TANC2: variants seen among roughly 807,000 people sequenced by gnomAD.
The protein encoded by TANC2 is protein TANC2.
TANC2 carries 26 observed loss-of-function variants against 210.5 expected under a neutral mutation model. The ratio of observed to expected loss-of-function variants is 0.12; its 90% confidence interval spans 0.09 to 0.17. The LOEUF (loss-of-function observed/expected upper bound fraction) is 0.17, where lower values mean the gene tolerates loss of function less well. TANC2 is among the 10% of genes least tolerant of loss of function. The probability of loss-of-function intolerance (pLI) is 1.00; values close to 1 mark genes in which losing one functional copy is unlikely to be tolerated. For missense variants in TANC2, 2,129 were observed against 2,608.9 expected, an observed-to-expected ratio of 0.82 and a Z score of 4.01; for synonymous variants, 931 against 967.1, an observed-to-expected ratio of 0.96 and a Z score of 0.69.
intron 8 of TANC2, among the ~76,000 whole-genome samples, chr17:63,241,899 A>G (rs1009365527): frequency 6.6e-6 from 1 of 152,178 alleles, no homozygotes; most frequent in Non-Finnish European, 1.5e-5. Context: ...ACGGATTTGA[A>G]AGAGACAAAA....
intron 2 of TANC2, among the ~76,000 whole-genome samples, chr17:63,050,192 G>A (rs977844427): frequency 6.6e-6 from 1 of 151,764 alleles, no homozygotes; most frequent in Non-Finnish European, 1.5e-5. Flanking sequence ...TCTTAAAGGG[G>A]CCTTAAGCAT....
At chr17:63,146,004 T>C (rs2039451074) in intron 4 of TANC2, among the ~76,000 whole-genome samples, 1 of 152,154 alleles carries the variant, frequency 6.6e-6, no homozygotes, top group Non-Finnish European at 1.5e-5. Context: ...TTGGGTGGTG[T>C]ACCATCTTAA....
At chr17:63,392,280 T>G (rs570892405) in intron 17 of TANC2, among the ~76,000 whole-genome samples, 98 of 152,330 alleles carry the variant, frequency 6.4e-4, no homozygotes, top group Middle Eastern at 6.8e-3. Flanking sequence ...TTGTAACTGC[T>G]TCCTTGGCAG....
intron 9 of TANC2, among the ~76,000 whole-genome samples, chr17:63,295,705 C>A (rs2044515207): frequency 6.6e-6 from 1 of 152,154 alleles, no homozygotes; most frequent in South Asian, 2.1e-4. Context: ...ATGTAATAAT[C>A]AAATCCTTTA....
chr17:63,201,161 T>C (rs1845486689), intron 7 of TANC2, among the ~76,000 whole-genome samples: 2 of 152,040 alleles, frequency 1.3e-5, no homozygotes, highest in African/African-American at 2.4e-5. Context: ...CCACTCCTTA[T>C]CAGGATATTC....
chr17:63,357,015 A>C (rs2046801507), intron 14 of TANC2, among the ~76,000 whole-genome samples: 1 of 152,206 alleles, frequency 6.6e-6, no homozygotes, highest in Admixed American at 6.5e-5. Flanking sequence ...GATTTTAAAA[A>C]GAAACAATAA....
chr17:63,301,009 G>C (rs1338637955), intron 9 of TANC2, among the ~76,000 whole-genome samples: 2 of 152,156 alleles, frequency 1.3e-5, no homozygotes, highest in Non-Finnish European at 2.9e-5. Context: ...TTTTATCAAA[G>C]ACCTTTTCTT....
In TANC2 at chr17:63,209,596, T is replaced by G. The variant is rs143797348; in HGVS notation, c.769+8639T>G. On this transcript the variant is annotated intron_variant, in intron 7 of 27. Transcript: ENST00000689528. ...TTACAGGCACGCACCACCATGCCTG[T>G]CTAATTTTTTGTTTTTTTAGTAGAG... 8.6e-3 allele frequency among the ~76,000 whole-genome samples: 1,298 copies of G among 151,784 alleles called. 16 individuals carry two copies. Among genetic ancestry groups the G allele is most frequent in the African/African-American group, 0.029 (1,189 of 41,428 alleles).
chr17:63,266,833 T>C (rs1567866529), intron 8 of TANC2, among the ~76,000 whole-genome samples: 1 of 152,092 alleles, frequency 6.6e-6, no homozygotes, highest in Non-Finnish European at 1.5e-5. Context: ...GCTAATATTT[T>C]CTTCCTTTTT....
chr17:63,209,988 G>A (rs1400795406), intron 7 of TANC2, among the ~76,000 whole-genome samples: 2 of 152,112 alleles, frequency 1.3e-5, no homozygotes, highest in Non-Finnish European at 2.9e-5. Context: ...CTAGAACCAC[G>A]TGTAGTTATG....
chr17:63,049,449 A>G (rs927577385), intron 2 of TANC2, among the ~76,000 whole-genome samples: 1 of 152,150 alleles, frequency 6.6e-6, no homozygotes, highest in African/African-American at 2.4e-5. Context: ...CCCAAAGGAG[A>G]TGCAGGACAA....
intron 3 of TANC2, among the ~76,000 whole-genome samples, chr17:63,097,622 G>T (rs1390397932): frequency 6.6e-6 from 1 of 151,078 alleles, no homozygotes; most frequent in Non-Finnish European, 1.5e-5. Context: ...TATAAAATTT[G>T]ATTTGGGCCA....
intron 8 of TANC2, among the ~76,000 whole-genome samples, chr17:63,255,875 G>A (rs916094984): frequency 2.7e-5 from 4 of 147,242 alleles, no homozygotes; most frequent in Non-Finnish European, 4.5e-5. Context: ...TCTTTAAGAA[G>A]CATCATTAAG....
At chr17:63,215,972 C>A (rs2042016030) in intron 7 of TANC2, among the ~76,000 whole-genome samples, 1 of 151,976 alleles carries the variant, frequency 6.6e-6, no homozygotes, top group Non-Finnish European at 1.5e-5. Flanking sequence ...AGGATGGTCT[C>A]AATCTCCTGA....
At position 63,106,501 on chromosome 17, in the gene TANC2, T is replaced by C. The variant is rs1383583839; in HGVS notation, c.322+7144T>C. 2.0e-5 allele frequency among the ~76,000 whole-genome samples: 3 copies of C among 151,730 alleles called. No homozygotes were observed. In the South Asian group the frequency reaches 6.2e-4, roughly 31 times the overall value. ...AGTGCCTTGCTGAAGGCAAGCCATG[T>C]TGACCAGATTATCAAGGGTAGGGGG... On this transcript the variant is annotated intron_variant, in intron 4 of 27. Coordinates refer to ENST00000689528, the Ensembl canonical transcript of TANC2.
At chr17:63,342,296 G>A (rs943890614) in intron 12 of TANC2, among the ~76,000 whole-genome samples, 1 of 151,860 alleles carries the variant, frequency 6.6e-6, no homozygotes, top group Non-Finnish European at 1.5e-5. Context: ...AATTACTTTT[G>A]TACTTATCCC....
intron 9 of TANC2, among the ~76,000 whole-genome samples, chr17:63,273,524 T>C (rs1205174657): frequency 2.0e-5 from 3 of 152,004 alleles, no homozygotes; most frequent in African/African-American, 7.3e-5. Context: ...AGAATGAGAG[T>C]GGAAAAAGGC....
intron 1 of TANC2, among the ~76,000 whole-genome samples, chr17:62,982,964 C>T (rs576362069): frequency 3.9e-5 from 6 of 152,170 alleles, no homozygotes; most frequent in Admixed American, 1.3e-4. Flanking sequence ...TGATTCCATG[C>T]GAATTTTAGG....
At chr17:63,357,342 G>A (rs925312498) in intron 14 of TANC2, among the ~76,000 whole-genome samples, 4 of 152,078 alleles carry the variant, frequency 2.6e-5, no homozygotes, top group African/African-American at 4.8e-5. Flanking sequence ...GAGAAAATAC[G>A]GCTTTTATAC....
Sources: gnomAD v4.1 joint callset for allele counts (sites outside exome capture counted in the v4.1 genomes callset) on GRCh38, gnomAD v4.1.1 for gene constraint, MANE v1.5 for transcripts, NCBI Gene and HGNC (gene_info 2026-07-23, HGNC 2026-07-21) for gene names.